Variants in ERBB4 observed in about 807,000 individuals in gnomAD.
ERBB4 encodes the protein erb-b2 receptor tyrosine kinase 4.
Under a neutral mutation model 158.0 loss-of-function variants are expected in ERBB4, and 42 were observed. The observed-to-expected ratio is 0.27, with a 90% confidence interval of 0.21 to 0.34. ERBB4 has a LOEUF of 0.34. Ranked by LOEUF, ERBB4 falls within the 10% of genes least tolerant of loss-of-function variation. The pLI, the probability that ERBB4 is intolerant of heterozygous loss-of-function variation, is 1.00. For synonymous variants in ERBB4, 583 were observed against 558.7 expected, an observed-to-expected ratio of 1.04 and a Z score of -0.61; for missense variants, 1,333 against 1,624.1, an observed-to-expected ratio of 0.82 and a Z score of 3.08.
At chr2:211,803,703 T>C (rs2076550808) in intron 3 of ERBB4, among the ~76,000 whole-genome samples, 1 of 152,214 alleles carries the variant, frequency 6.6e-6, no homozygotes, top group Admixed American at 6.5e-5. Context: ...CGTCTGTAGA[T>C]TACAGTCTTT....
chr2:211,930,672 A>G (rs2080150382), intron 3 of ERBB4, among the ~76,000 whole-genome samples: 1 of 152,172 alleles, frequency 6.6e-6, no homozygotes, highest in South Asian at 2.1e-4. Flanking sequence ...TAGAAGTTCA[A>G]GTTTTCAAGC....
intron 3 of ERBB4, among the ~76,000 whole-genome samples, chr2:211,875,149 AAT>A (rs1022121856): frequency 1.1e-4 from 16 of 148,142 alleles, no homozygotes; most frequent in Non-Finnish European, 2.1e-4. Context: ...GTTGGTTATT[AAT>A]ATTTCATTAA....
Position 212,377,027 on chromosome 2 carries a change from A to G in ERBB4, c.82+161422T>C, listed in dbSNP as rs60682577. 6.3e-3 allele frequency among the ~76,000 whole-genome samples: 955 copies of G among 151,838 alleles called. 8 individuals carry two copies. Among genetic ancestry groups the G allele is most frequent in the African/African-American group, 0.022 (907 of 41,450 alleles). On this transcript the variant is annotated intron_variant, in intron 1 of 27. Transcript: ENST00000342788. ...GGAGAGAGATGAAAGAACCTTCACT[A>G]TATCTTCTCCCCTGCTTAACTTATT...
chr2:212,480,943 C>A (rs73063172), intron 1 of ERBB4, among the ~76,000 whole-genome samples: 7,496 of 152,118 alleles, frequency 0.049, 635 homozygotes, highest in African/African-American at 0.17. Context: ...CATAATTGCC[C>A]TCTCAATTTT....
chr2:211,648,941 A>T (rs1574921786), intron 16 of ERBB4, among the ~76,000 whole-genome samples: 1 of 151,886 alleles, frequency 6.6e-6, no homozygotes, highest in African/African-American at 2.4e-5. Flanking sequence ...ACGAAACCAC[A>T]ACTTTGTTTT....
intron 20 of ERBB4, among the ~76,000 whole-genome samples, chr2:211,544,211 T>C (rs990000697): frequency 1.3e-5 from 2 of 152,094 alleles, no homozygotes; most frequent in African/African-American, 4.8e-5. Flanking sequence ...CTGGAATTAC[T>C]GTAATTTATT....
intron 2 of ERBB4, among the ~76,000 whole-genome samples, chr2:211,980,957 G>A (rs1490685686): frequency 6.6e-6 from 1 of 151,904 alleles, no homozygotes. Flanking sequence ...AGAACAGCAG[G>A]GAGCAGCCGT....
At chr2:211,946,576 C>CTTTT (rs56007115) in intron 3 of ERBB4, among the ~76,000 whole-genome samples, 2,953 of 49,724 alleles carry the variant, frequency 0.059, 404 homozygotes, top group East Asian at 0.16. Context: ...AATTAGCTCT[C>CTTTT]TTTTTTTTTT....
intron 1 of ERBB4, among the ~76,000 whole-genome samples, chr2:212,380,835 T>C (rs2090479335): frequency 1.3e-5 from 2 of 151,196 alleles, no homozygotes; most frequent in African/African-American, 2.4e-5. Flanking sequence ...TTAAATCAAG[T>C]ATATTGTATT....
At position 211,619,251 on chromosome 2, in the gene ERBB4, T is replaced by C. The variant is rs747395103; in HGVS notation, c.2227A>G (p.Thr743Ala). The change falls in exon 19 of 28, where the codon ACT becomes GCT. Residue 743 changes from threonine to alanine, a missense_variant. By Grantham distance (58) the Thr-to-Ala change is moderately conservative (BLOSUM62 0). Coordinates refer to ENST00000342788, the MANE Select transcript of ERBB4 (RefSeq NM_005235.3). ...TTAATAGCCACAGGAATCTTCACAG[T>C]TTCTCCTTCAGGTACCCAAATACCC... is the stretch of plus-strand genomic sequence containing the variant. ...YKGIWVPEGE[T>A]VKIPVAIKIL... is the part of the protein sequence containing the mutation. 1.2e-6 allele frequency: 2 copies of C among 1,611,768 alleles called. No individual in the cohort carries two copies. Among genetic ancestry groups the C allele is most frequent in the Non-Finnish European group, 8.5e-7 (1 of 1,178,148 alleles).
intron 1 of ERBB4, among the ~76,000 whole-genome samples, chr2:212,380,145 C>G (rs1162018342): frequency 6.6e-6 from 1 of 151,192 alleles, no homozygotes. Context: ...TACATACACA[C>G]AGTTGGTCTT....
chr2:211,646,881 C>T (rs1195263047), intron 16 of ERBB4, among the ~76,000 whole-genome samples: 2 of 151,524 alleles, frequency 1.3e-5, no homozygotes, highest in East Asian at 1.9e-4. Flanking sequence ...CAACACATTG[C>T]AAATTATTGA....
chr2:212,518,760 AG>A (rs1164300265), intron 1 of ERBB4, among the ~76,000 whole-genome samples: 1 of 152,072 alleles, frequency 6.6e-6, no homozygotes, highest in African/African-American at 2.4e-5. Flanking sequence ...GGGAGGAATA[AG>A]TACTGTGTTG....
intron 2 of ERBB4, among the ~76,000 whole-genome samples, chr2:212,105,741 C>A (rs2371440): frequency 0.57 from 86,648 of 152,012 alleles, 25,479 homozygotes; most frequent in Non-Finnish European, 0.62. Flanking sequence ...CCATCCAAAT[C>A]TCATCTTGAA....
At chr2:211,414,155 G>A (rs531850848) in intron 25 of ERBB4, among the ~76,000 whole-genome samples, 1 of 152,120 alleles carries the variant, frequency 6.6e-6, no homozygotes, top group African/African-American at 2.4e-5. Context: ...CTCTATCAGA[G>A]GTAGGCCAAA....
At chr2:211,779,012 A>ATTCTGGAATATG (rs1435383205) in intron 4 of ERBB4, 3 of 152,156 alleles carry the variant, frequency 2.0e-5, no homozygotes, top group Non-Finnish European at 4.4e-5. Flanking sequence ...ATGGTAACAT[A>ATTCTGGAATATG]TTATTCTGGA....
intron 1 of ERBB4, among the ~76,000 whole-genome samples, chr2:212,446,637 A>ATATATATC (rs1574935617): frequency 3.0e-5 from 3 of 99,352 alleles, no homozygotes; most frequent in Non-Finnish European, 4.2e-5. Context: ...ATATATATAT[A>ATATATATC]TCCTATTAGT....
intron 1 of ERBB4, among the ~76,000 whole-genome samples, chr2:212,246,233 G>A (rs181426644): frequency 6.6e-6 from 1 of 152,294 alleles, no homozygotes; most frequent in Non-Finnish European, 1.5e-5. Context: ...ATGCTAATAA[G>A]ACTTTCAGCA....
intron 5 of ERBB4, among the ~76,000 whole-genome samples, chr2:211,732,239 C>T (rs1036133550): frequency 6.6e-6 from 1 of 152,066 alleles, no homozygotes; most frequent in South Asian, 2.1e-4. Flanking sequence ...AAGGCTTCAT[C>T]ATAAGCCTAT....
Sources: gnomAD v4.1 joint callset for allele counts (sites outside exome capture counted in the v4.1 genomes callset) on GRCh38, gnomAD v4.1.1 for gene constraint, MANE v1.5 for transcripts, NCBI Gene and HGNC (gene_info 2026-07-23, HGNC 2026-07-21) for gene names.